MCF2L: variants seen among roughly 807,000 people sequenced by gnomAD.
MCF2L encodes MCF.2 cell line derived transforming sequence like.
A neutral mutation model predicts 153.4 loss-of-function variants in MCF2L; 97 were observed. The ratio of observed to expected loss-of-function variants is 0.63; its 90% CI spans 0.54 to 0.75. MCF2L has a LOEUF of 0.75. MCF2L is among the 30% of genes least tolerant of loss of function. The pLI is 0.00. For missense variants in MCF2L, 1,347 were observed against 1,495.2 expected (o/e 0.90, Z 1.64); for synonymous variants, 659 against 632.2 (o/e 1.04, Z -0.64).
rs2081472816 is a variant in MCF2L at position 112,932,341 on chromosome 13, C to A, written c.169+29970C>A. ...CAACAGAGGCTTCCAGTATACCTGACCAGTAGCCCTCAAAACTGTCAAAGT... is the reference window on the plus strand; with the variant it reads ...CAACAGAGGCTTCCAGTATACCTGAACAGTAGCCCTCAAAACTGTCAAAGT... On this transcript the variant is annotated intron_variant, in intron 2 of 29. Coordinates refer to the MCF2L transcript ENST00000375608. The surrounding 1 kb of genome is among the most constrained non-coding windows in gnomAD (Gnocchi z 4.6). Among the ~76,000 whole-genome samples, 1 of 152,148 alleles carries A rather than the reference C, an allele frequency of 6.6e-6. No individual in the cohort carries two copies.
At chr13:113,085,618 C>T (rs1255166414) in intron 20 of MCF2L, among the ~76,000 whole-genome samples, 1 of 151,990 alleles carries the variant, frequency 6.6e-6, no homozygotes, top group Non-Finnish European at 1.5e-5. Context: ...GGAAACTCCC[C>T]AGGGAGCAGG....
At chr13:112,911,068 G>A (rs1182791031) in intron 2 of MCF2L, among the ~76,000 whole-genome samples, 1 of 152,208 alleles carries the variant, frequency 6.6e-6, no homozygotes, top group African/African-American at 2.4e-5. Context: ...GCCGCTCCCC[G>A]GCGTCAGCTG....
At chr13:112,927,925 T>C (rs1380766370) in intron 2 of MCF2L, among the ~76,000 whole-genome samples, 1 of 152,230 alleles carries the variant, frequency 6.6e-6, no homozygotes, top group Non-Finnish European at 1.5e-5. Context: ...AGCAGCCAAT[T>C]GCAGGCTATG....
intron 3 of MCF2L, among the ~76,000 whole-genome samples, chr13:113,034,703 C>CGCCCTT (rs1246129576): frequency 6.6e-6 from 1 of 152,152 alleles, no homozygotes; most frequent in Non-Finnish European, 1.5e-5. Flanking sequence ...GTCTCACCCG[C>CGCCCTT]GCCCTTGCCC....
intron 22 of MCF2L, 28 bp downstream of exon 22, chr13:113,087,484 C>A: frequency 6.5e-7 from 1 of 1,544,976 alleles, no homozygotes; most frequent in South Asian, 1.2e-5. Context: ...TGCAGCAGCA[C>A]GCTCCTGGCC....
chr13:112,984,921 A>T (rs1053769579), intron 1 of MCF2L, among the ~76,000 whole-genome samples: 1 of 152,066 alleles, frequency 6.6e-6, no homozygotes, highest in African/African-American at 2.4e-5. Flanking sequence ...CCGTGATCAG[A>T]TGGAGGAAGA....
chr13:112,960,454 C>T lies in MCF2L; in HGVS notation c.170-54309C>T, dbSNP rs571721467. On this transcript the variant is annotated intron_variant, in intron 2 of 29. Coordinates refer to the MCF2L transcript ENST00000375608. This position sits in a 1 kb window ranked among gnomAD's most constrained non-coding sequence, Gnocchi z 4.2. The stretch of plus-strand genomic sequence containing the variant: ...GGACACATTAAACCCCAGCAGACTG[C>T]CTTGTCCCCTGCTCATTTTGGTTGT... Among the ~76,000 whole-genome samples, 25 of 152,242 alleles carry T rather than the reference C, an allele frequency of 1.6e-4. No homozygotes were observed. In the South Asian group the frequency reaches 4.6e-3, roughly 28 times the overall value.
rs1326333624 is a variant in MCF2L at position 113,015,909 on chromosome 13, G to T, written c.163+1063G>T. 2.0e-5 allele frequency among the ~76,000 whole-genome samples: 3 copies of T among 152,220 alleles called. No individual in the cohort carries two copies. The East Asian group carries it at 5.8e-4, about 29-fold the overall frequency. Reference sequence around the variant, plus strand: ...GGCGTGGTGATGGCTCAAGAGAGGCGCCGTGGTTTCTGCCGGTTCCTCCTG... The same window carrying T: ...GGCGTGGTGATGGCTCAAGAGAGGCTCCGTGGTTTCTGCCGGTTCCTCCTG... On this transcript the variant is annotated intron_variant, in intron 2 of 29. Coordinates refer to ENST00000535094, the MANE Select transcript of MCF2L (RefSeq NM_001112732.3).
At chr13:113,050,289 A>T (rs71446933) in intron 4 of MCF2L, among the ~76,000 whole-genome samples, 41,107 of 149,816 alleles carry the variant, frequency 0.27, 5,712 homozygotes, top group Middle Eastern at 0.33. Context: ...TGAGTGTGAG[A>T]GTGTGTGTGT....
intron 2 of MCF2L, among the ~76,000 whole-genome samples, chr13:112,959,520 G>C (rs370756704): frequency 1.3e-5 from 2 of 152,116 alleles, no homozygotes; most frequent in South Asian, 2.1e-4. Context: ...GGGTCATCCT[G>C]GGGGGAGAAC....
upstream of MCF2L, chr13:112,965,464 G>A (rs920768243): frequency 2.0e-5 from 3 of 152,242 alleles, no homozygotes; most frequent in African/African-American, 4.8e-5. Flanking sequence ...CTGGGGCCAC[G>A]GCTCCAGTGC....
chr13:113,018,917 G>A (rs1030396697), intron 2 of MCF2L, among the ~76,000 whole-genome samples: 3 of 152,206 alleles, frequency 2.0e-5, no homozygotes, highest in Admixed American at 2.0e-4. Flanking sequence ...GTCAGCGGTG[G>A]CCATCAGCCA....
chr13:112,922,491 T>C (rs1943137131), intron 2 of MCF2L, among the ~76,000 whole-genome samples: 2 of 151,808 alleles, frequency 1.3e-5, no homozygotes, highest in South Asian at 4.2e-4. Context: ...ATCTCATTTC[T>C]CAGCATTGAA....
intron 1 of MCF2L, among the ~76,000 whole-genome samples, chr13:113,013,698 G>A (rs187516967): frequency 4.6e-5 from 7 of 152,348 alleles, no homozygotes; most frequent in Admixed American, 2.0e-4. Flanking sequence ...GGTCATCAGC[G>A]TGAGTCCTGC....
At position 113,064,885 on chromosome 13, in the gene MCF2L, G is replaced by A; in HGVS notation, c.607-51G>A. 1 of 1,570,582 alleles carries A rather than the reference G, an allele frequency of 6.4e-7. No homozygotes were observed. Among genetic ancestry groups the A allele is most frequent in the Non-Finnish European group, 8.7e-7 (1 of 1,155,494 alleles). On this transcript the variant is annotated intron_variant, in intron 6 of 29. Coordinates refer to ENST00000535094, the MANE Select transcript of MCF2L (RefSeq NM_001112732.3). The surrounding 1 kb of genome is among the most constrained non-coding windows in gnomAD (Gnocchi z 6.0). The stretch of plus-strand genomic sequence containing the variant: ...CCGGTGTCTGCTTTCAGGGCAGCAG[G>A]AGGTGGGTGCAGTGCACAAGGCATG...
exon 2 of MCF2L, chr13:112,902,338 C>A (rs747611953): frequency 6.2e-7 from 1 of 1,612,828 alleles, no homozygotes; most frequent in Admixed American, 1.7e-5. Context: ...CAGGCTTGTT[C>A]AAGACACACC....
intron 2 of MCF2L, among the ~76,000 whole-genome samples, chr13:112,913,846 T>C (rs74423856): frequency 0.062 from 9,449 of 152,232 alleles, 988 homozygotes; most frequent in African/African-American, 0.21. Flanking sequence ...ATTTAAAACA[T>C]TTATTTTTAA....
chr13:113,024,930 A>AC (rs2085133134), intron 3 of MCF2L, 172 bp downstream of exon 3: 1 of 581,062 alleles, frequency 1.7e-6, no homozygotes, highest in Non-Finnish European at 3.1e-6. Flanking sequence ...AGATTTCCCC[A>AC]TCATGCGGTC....
chr13:113,047,409 A>G (rs1215744716), intron 4 of MCF2L: 2 of 152,264 alleles, frequency 1.3e-5, no homozygotes, highest in Non-Finnish European at 2.9e-5. Flanking sequence ...AGGCAACTCT[A>G]AAAATTAAAT....
Sources: allele counts gnomAD v4.1 joint callset (sites outside exome capture counted in the v4.1 genomes callset), GRCh38; gene constraint gnomAD v4.1.1; non-coding constraint Gnocchi (gnomAD v3.1); transcripts MANE v1.5; gene names NCBI Gene and HGNC (gene_info 2026-07-23, HGNC 2026-07-21).